THSD7B: variants seen among roughly 807,000 people sequenced by gnomAD.
THSD7B encodes the protein thrombospondin type 1 domain containing 7B.
A neutral mutation model predicts 213.6 loss-of-function variants in THSD7B; 138 were observed. The observed-to-expected ratio is 0.65, with a 90% CI of 0.56 to 0.74. The LOEUF is 0.74. THSD7B is among the 30% of genes least tolerant of loss of function. The pLI is 0.00. For synonymous variants in THSD7B, 742 were observed against 687.0 expected (o/e 1.08, Z -1.25); for missense variants, 1,931 against 1,991.5 (o/e 0.97, Z 0.58).
chr2:136,979,353 G>A (rs1685537192), intron 2 of THSD7B, among the ~76,000 whole-genome samples: 2 of 152,082 alleles, frequency 1.3e-5, no homozygotes, highest in African/African-American at 4.8e-5. Flanking sequence ...GCTAGGTTTG[G>A]GAAGTGCTCC....
chr2:137,140,737 G>C (rs1679563333), intron 5 of THSD7B, among the ~76,000 whole-genome samples: 1 of 152,014 alleles, frequency 6.6e-6, no homozygotes. Context: ...TCATTACTTG[G>C]AATATAGCAA....
At chr2:137,090,776 T>C (rs16838006) in intron 3 of THSD7B, among the ~76,000 whole-genome samples, 12,632 of 152,248 alleles carry the variant, frequency 0.083, 746 homozygotes, top group African/African-American at 0.16. Context: ...TGGATTTTAG[T>C]TTGTAAGGTC....
At chr2:137,523,670 C>T (rs1437620106) in intron 15 of THSD7B, among the ~76,000 whole-genome samples, 1 of 152,130 alleles carries the variant, frequency 6.6e-6, no homozygotes, top group Admixed American at 6.6e-5. Flanking sequence ...TGTATTCAGT[C>T]AGGTATGTGC....
intron 12 of THSD7B, among the ~76,000 whole-genome samples, chr2:137,283,376 T>A (rs1423466438): frequency 2.0e-5 from 3 of 152,164 alleles, no homozygotes; most frequent in Non-Finnish European, 2.9e-5. Flanking sequence ...TTTTCCTAAT[T>A]GAATGCCCTT....
Position 136,905,787 on chromosome 2 carries a change from G to A in THSD7B, c.139+23470G>A, listed in dbSNP as rs565062384. On this transcript the variant is annotated intron_variant, in intron 2 of 27. Transcript: ENST00000409968. Reference sequence around the variant, plus strand: ...TCATTATGGATAATGTAAAATTGAGGGAGCATGTGGTCTCCTGCAAAAACA... The same window carrying A: ...TCATTATGGATAATGTAAAATTGAGAGAGCATGTGGTCTCCTGCAAAAACA... Among the ~76,000 whole-genome samples, 7 of 152,330 alleles carry A rather than the reference G, an allele frequency of 4.6e-5. No homozygotes were observed. The South Asian group carries it at 1.4e-3, about 32-fold the overall frequency.
chr2:137,367,352 C>A (rs188704753), intron 12 of THSD7B, among the ~76,000 whole-genome samples: 6 of 152,110 alleles, frequency 3.9e-5, no homozygotes, highest in African/African-American at 1.2e-4. Flanking sequence ...ATCAGAGTCA[C>A]AGGCATGAAG....
chr2:136,972,371 A>G (rs2104800596), intron 2 of THSD7B, among the ~76,000 whole-genome samples: 1 of 152,330 alleles, frequency 6.6e-6, no homozygotes, highest in South Asian at 2.1e-4. Context: ...CAGTTGCTCT[A>G]GCGAATAGGC....
At chr2:137,081,220 T>C (rs1411341183) in intron 3 of THSD7B, among the ~76,000 whole-genome samples, 3 of 152,146 alleles carry the variant, frequency 2.0e-5, no homozygotes, top group African/African-American at 7.2e-5. Flanking sequence ...AGTAGTTCGT[T>C]TCAATGTATA....
intron 21 of THSD7B, among the ~76,000 whole-genome samples, chr2:137,654,483 T>G (rs1683197397): frequency 6.6e-6 from 1 of 152,214 alleles, no homozygotes. Context: ...GGGACAGGCC[T>G]CCTGCCAGGA....
Position 137,655,552 on chromosome 2 carries a change from C to G in THSD7B, c.3997C>G (p.His1333Asp), listed in dbSNP as rs1254907785. 5 of 1,612,464 alleles carry G rather than the reference C, an allele frequency of 3.1e-6. No individual in the cohort carries two copies. The highest frequency in any genetic ancestry group is 3.4e-6 in the Non-Finnish European group (4 of 1,179,374). The change falls in exon 22 of 28, where the codon CAC (histidine) becomes GAC (aspartate). Residue 1333 changes from histidine to aspartate, a missense_variant. Coordinates refer to ENST00000409968, the MANE Select transcript of THSD7B (RefSeq NM_001316349.2). ...VQIRSLSCMV[H>D]SGSISHAAGR... ...GATCCGCAGCCTTTCCTGCATGGTC[C>G]ACAGTGGTTCAATATCTCATGCAGC...
chr2:136,782,388 G>A (rs1217746485), intron 1 of THSD7B, among the ~76,000 whole-genome samples: 4 of 152,080 alleles, frequency 2.6e-5, no homozygotes, highest in Non-Finnish European at 5.9e-5. Context: ...CTGTAACTAA[G>A]CTCTGAATTG....
At chr2:137,018,348 A>G (rs564831051) in intron 2 of THSD7B, among the ~76,000 whole-genome samples, 4 of 152,256 alleles carry the variant, frequency 2.6e-5, no homozygotes, top group Admixed American at 1.3e-4. Flanking sequence ...AGAATGATTT[A>G]TTTGTTGTTA....
intron 10 of THSD7B, among the ~76,000 whole-genome samples, chr2:137,258,665 CT>C (rs923070387): frequency 4.5e-4 from 66 of 146,108 alleles, no homozygotes; most frequent in East Asian, 1.0e-3. Flanking sequence ...ATACCATGCT[CT>C]TTTTTTTTTT....
chr2:137,486,927 G>T (rs1688460696), intron 15 of THSD7B, among the ~76,000 whole-genome samples: 1 of 152,132 alleles, frequency 6.6e-6, no homozygotes, highest in African/African-American at 2.4e-5. Flanking sequence ...CAGAAATAAA[G>T]ATGTTCTTTG....
intron 10 of THSD7B, among the ~76,000 whole-genome samples, chr2:137,263,820 T>C (rs1302357121): frequency 1.3e-5 from 2 of 152,190 alleles, no homozygotes; most frequent in Non-Finnish European, 1.5e-5. Flanking sequence ...AGGAAGTCTA[T>C]AAAACCTTCC....
intron 20 of THSD7B, among the ~76,000 whole-genome samples, chr2:137,639,191 C>T (rs927856730): frequency 6.6e-6 from 1 of 151,874 alleles, no homozygotes; most frequent in Admixed American, 6.6e-5. Context: ...TTGTGGGCCT[C>T]GGGACTTGGT....
At chr2:137,227,136 A>G (rs1558965602) in intron 7 of THSD7B, among the ~76,000 whole-genome samples, 1 of 152,172 alleles carries the variant, frequency 6.6e-6, no homozygotes, top group Non-Finnish European at 1.5e-5. Flanking sequence ...AATATTTTGT[A>G]ACCATTGTGA....
chr2:137,663,750 T>G (rs934894833), intron 26 of THSD7B, among the ~76,000 whole-genome samples, 175 bp downstream of exon 26: 4 of 152,218 alleles, frequency 2.6e-5, no homozygotes, highest in African/African-American at 9.7e-5. Context: ...ATGAGTCCCT[T>G]TAAGTGTACA....
At chr2:137,615,213 G>A (rs1031494934) in intron 17 of THSD7B, among the ~76,000 whole-genome samples, 1 of 152,180 alleles carries the variant, frequency 6.6e-6, no homozygotes, top group East Asian at 1.9e-4. Flanking sequence ...ACAGAATGGC[G>A]ATGCAAAGAA....
Sources: allele counts gnomAD v4.1 joint callset (sites outside exome capture counted in the v4.1 genomes callset), GRCh38; gene constraint gnomAD v4.1.1; transcripts MANE v1.5; gene names NCBI Gene and HGNC (gene_info 2026-07-23, HGNC 2026-07-21).